The following FLT4 variants were observed in gnomAD, a reference collection of about 807,000 sequenced individuals.
FLT4 encodes vascular endothelial growth factor receptor 3.
In FLT4, 30 loss-of-function variants were observed where a neutral mutation model predicts 163.2. That is an observed-to-expected ratio of 0.18 (90% confidence interval 0.14 to 0.25). The LOEUF is 0.25. Ranked by LOEUF, FLT4 falls within the 10% of genes least tolerant of loss-of-function variation. FLT4 has a pLI of 1.00. For synonymous variants in FLT4, 884 were observed against 789.5 expected (o/e 1.12, Z -2.01); for missense variants, 1,510 against 1,863.8 (o/e 0.81, Z 3.50).
rs1052857627 is a variant in FLT4, at chr5:180,602,343, G to A, written c.*849C>T. On this transcript the variant is annotated 3_prime_UTR_variant, in exon 30 of 30. Coordinates refer to ENST00000261937, the MANE Select transcript of FLT4 (RefSeq NM_182925.5). ...GCTCCTCGGAGTCTGGGCCAGGTGGGAGAGCAAGGGCCTTCTCCAGAGGCA... is the reference window on the plus strand; with the variant it reads ...GCTCCTCGGAGTCTGGGCCAGGTGGAAGAGCAAGGGCCTTCTCCAGAGGCA... 1 of 309,434 alleles carries A rather than the reference G, an allele frequency of 3.2e-6. No homozygotes were observed. Among genetic ancestry groups the A allele is most frequent in the Non-Finnish European group, 5.9e-6 (1 of 169,300 alleles). The allele number at this position is 309,434 out of a possible 1,614,324, so 19.2% of individuals were successfully genotyped here.
intron 29 of FLT4, among the ~76,000 whole-genome samples, chr5:180,605,927 C>T (rs1761756829): frequency 6.6e-6 from 1 of 152,198 alleles, no homozygotes; most frequent in Non-Finnish European, 1.5e-5. Context: ...GGTGAACCCC[C>T]ATGGGGCGAG....
At chr5:180,645,076 A>C (rs1765419952) in intron 1 of FLT4, among the ~76,000 whole-genome samples, 1 of 152,242 alleles carries the variant, frequency 6.6e-6, no homozygotes, top group African/African-American at 2.4e-5. Context: ...CTGGGACTCC[A>C]GCAGGAAGGG....
At position 180,615,418 on chromosome 5, in the gene FLT4, C is replaced by CTCCACTTCCGAAA. The variant is rs1324424585; in HGVS notation, c.3219+948_3219+949insTTTCGGAAGTGGA. Among the ~76,000 whole-genome samples, 33 of 129,706 alleles carry CTCCACTTCCGAAA rather than the reference C, an allele frequency of 2.5e-4. 1 individual carries two copies. The highest frequency in any genetic ancestry group is 4.4e-4 in the Non-Finnish European group (26 of 59,188). 85.1% of individuals were successfully genotyped at this position (129,706 alleles called of 152,430 possible). On this transcript the variant is annotated intron_variant, in intron 23 of 29. Coordinates refer to ENST00000261937, the MANE Select transcript of FLT4 (RefSeq NM_182925.5). ...CTGGGTCCCGCTGGTCACCTCCCTT[C>CTCCACTTCCGAAA]TCCACTTCCTTTCGGAGCACTGGGC...
chr5:180,631,939 C>G (rs909325688), intron 1 of FLT4, among the ~76,000 whole-genome samples, 161 bp from the exon 2 acceptor site: 2 of 152,088 alleles, frequency 1.3e-5, no homozygotes, highest in Non-Finnish European at 2.9e-5. Flanking sequence ...CCATGTGCGC[C>G]GTGAGCAGCA....
chr5:180,621,031 C>G (rs753216455), intron 14 of FLT4, 24 bp from the exon 15 acceptor site: 1 of 1,611,056 alleles, frequency 6.2e-7, no homozygotes, highest in East Asian at 2.2e-5. Context: ...GGTGGAGGTG[C>G]GGGTCCACCT....
At chr5:180,614,230 A>C in intron 23 of FLT4, 51 bp from the exon 24 acceptor site, 1 of 1,294,150 alleles carries the variant, frequency 7.7e-7, no homozygotes, top group Non-Finnish European at 1.1e-6. Context: ...AGACGGAGGG[A>C]AGCGTGTCCC....
At chr5:180,634,398 G>A (rs1764394815) in intron 1 of FLT4, among the ~76,000 whole-genome samples, 1 of 152,142 alleles carries the variant, frequency 6.6e-6, no homozygotes, top group Non-Finnish European at 1.5e-5. Flanking sequence ...GATTCAACGG[G>A]TGGATATAAG....
rs201698561 is a variant in FLT4 at position 180,611,364 on chromosome 5, G to C, written c.3653C>G (p.Pro1218Arg). ...CAGGCTGTGGCGCTGCAGGCTTGGCGGGCTGTCCTCAGCGTCAGCCTGGGC... is the reference window on the plus strand; with the variant it reads ...CAGGCTGTGGCGCTGCAGGCTTGGCCGGCTGTCCTCAGCGTCAGCCTGGGC... ...HIAQADAEDSPPSLQRHSLAA... is the reference protein window; with the variant it reads ...HIAQADAEDSRPSLQRHSLAA... Residue 1218 changes from proline to arginine, a missense_variant, in exon 27 of 30, where the codon CCG becomes CGG. Pro to Arg is a moderately radical substitution (Grantham distance 103, BLOSUM62 -2). Around this residue, in one of 5 missense-constraint regions of FLT4, gnomAD observed 295 missense variants for 311.0 expected, o/e 0.95. Transcript: ENST00000261937. The C allele has an allele frequency of 4.3e-6, 7 of 1,613,744 alleles. No homozygotes were observed. Among genetic ancestry groups the C allele is most frequent in the Admixed American group, 1.7e-5 (1 of 60,006 alleles).
At position 180,630,574 on chromosome 5, in the gene FLT4, G is replaced by C. The variant is rs1335798652; in HGVS notation, c.381C>G (p.Ser127Arg). 3.1e-6 allele frequency: 5 copies of C among 1,612,882 alleles called. No individual in the cohort carries two copies. Among genetic ancestry groups the C allele is most frequent in the Non-Finnish European group, 4.2e-6 (5 of 1,179,978 alleles). The change falls in exon 3 of 30, where the codon AGC becomes AGG. Residue 127 changes from serine to arginine, a missense_variant. Physicochemically the swap from Ser to Arg is moderately radical, Grantham distance 110. Around this residue, in one of 5 missense-constraint regions of FLT4, gnomAD observed 157 missense variants for 178.7 expected, o/e 0.88. Transcript: ENST00000261937. The surrounding 1 kb of genome is among the most constrained non-coding windows in gnomAD (Gnocchi z 6.3). ...TCTCACCTCTCACGAACACGTAGGA[G>C]CTGGCGGCCGTGGTGCCCTCGATGC... ...KARIEGTTAASSYVFVRDFEQ... is the reference protein window; with the variant it reads ...KARIEGTTAARSYVFVRDFEQ...
rs1204710417 is a variant in FLT4, at chr5:180,620,798, C to A, written c.2299+78G>T. On this transcript the variant is annotated intron_variant, in intron 15 of 29. Transcript: ENST00000261937. The surrounding 1 kb of genome is among the most constrained non-coding windows in gnomAD (Gnocchi z 4.4). ...CAGGCAGCACCCCTTCTGGTGGCCA[C>A]GACTTGCCCAAGGTGGCCACAAGAA... is the stretch of plus-strand genomic sequence containing the variant. The A allele has an allele frequency of 2.5e-6, 4 of 1,604,696 alleles. No homozygotes were observed. In the Admixed American group the frequency reaches 6.8e-5, roughly 27 times the overall value.
rs531886911 is a variant in FLT4 at position 180,642,764 on chromosome 5, A to G, written c.58+6724T>C. On this transcript the variant is annotated intron_variant, in intron 1 of 29. Transcript: ENST00000261937. Reference sequence around the variant, plus strand: ...AGTACCACAAAGAATGAGAATTCCCAGCGCTGGAGAGAATGTGGAGAAGGA... The same window carrying G: ...AGTACCACAAAGAATGAGAATTCCCGGCGCTGGAGAGAATGTGGAGAAGGA... 1.7e-4 allele frequency among the ~76,000 whole-genome samples: 26 copies of G among 152,342 alleles called. No individual in the cohort carries two copies. The South Asian group carries it at 5.4e-3, about 32-fold the overall frequency.
intron 29 of FLT4, chr5:180,608,134 A>G: frequency 1.4e-5 from 10 of 700,408 alleles, no homozygotes; most frequent in Non-Finnish European, 2.3e-5. Context: ...GTCCACTTTC[A>G]TGCTCCTCTT....
In FLT4 at chr5:180,602,708, G is replaced by C. The variant is rs1183020979; in HGVS notation, c.*484C>G. 1 of 448,850 alleles carries C rather than the reference G, an allele frequency of 2.2e-6. No individual in the cohort carries two copies. 27.8% of individuals were successfully genotyped at this position (448,850 alleles called of 1,614,324 possible). ...CCTTCAACTGTGCAGGGGTGGGTGA[G>C]GCCAGCCAGCCCTCGTGGGGAGAGT... On this transcript the variant is annotated 3_prime_UTR_variant, in exon 30 of 30. Coordinates refer to ENST00000261937, the MANE Select transcript of FLT4 (RefSeq NM_182925.5).
chr5:180,613,146 C>A (rs780135208), intron 24 of FLT4, 36 bp from the exon 25 acceptor site: 16 of 1,500,620 alleles, frequency 1.1e-5, no homozygotes, highest in Non-Finnish European at 1.5e-5. Flanking sequence ...GGGGAGCAAG[C>A]CTCCTGCGGC....
Position 180,625,950 on chromosome 5 carries a change from G to A in FLT4, c.1340C>T (p.Ala447Val), listed in dbSNP as rs776396153. 3.1e-6 allele frequency: 5 copies of A among 1,612,820 alleles called. No individual in the cohort carries two copies. Among genetic ancestry groups the A allele is most frequent in the Non-Finnish European group, 4.2e-6 (5 of 1,179,972 alleles). ...GCTGAGAGGCAGGGGCACCCCGTAG[G>A]CCGTGCAGGTGAGGGCCTGGCGGCT... is the stretch of plus-strand genomic sequence containing the variant. ...RHSRQALTCT[A>V]YGVPLPLSIQ... Residue 447 changes from alanine (A) to valine (V), a missense_variant, in exon 10 of 30, where the codon GCC becomes GTC. This residue lies in a region of FLT4 where 878 missense variants were observed against 1,016.7 expected (regional missense o/e 0.86). Transcript: ENST00000261937.
rs760268018 is a variant in FLT4 at position 180,629,309 on chromosome 5, G to C, written c.935C>G (p.Ala312Gly). 1.9e-6 allele frequency: 3 copies of C among 1,613,328 alleles called. No homozygotes were observed. The East Asian group carries it at 6.7e-5, about 36-fold the overall frequency. ...CCGAAATCGCTGGATGCCGTTGTTG[G>C]CCTTGCACACATACGAGCCCAGGTC... ...QHDLGSYVCK[A>G]NNGIQRFRES... The change falls in exon 7 of 30, where the codon GCC becomes GGC. Residue 312 changes from alanine (A) to glycine (G), a missense_variant. Ala to Gly is a moderately conservative substitution (Grantham distance 60, BLOSUM62 0). Around this residue, in one of 5 missense-constraint regions of FLT4, gnomAD observed 163 missense variants for 281.1 expected, o/e 0.58. Coordinates refer to ENST00000261937, the MANE Select transcript of FLT4 (RefSeq NM_182925.5).
At chr5:180,612,146 T>C (rs1239258093) in intron 26 of FLT4, among the ~76,000 whole-genome samples, 1 of 152,010 alleles carries the variant, frequency 6.6e-6, no homozygotes, top group Non-Finnish European at 1.5e-5. Context: ...GTCCGTGTGT[T>C]CAGTGGAGTG....
At chr5:180,627,778 A>G (rs1763750472) in intron 8 of FLT4, among the ~76,000 whole-genome samples, 1 of 152,248 alleles carries the variant, frequency 6.6e-6, no homozygotes, top group African/African-American at 2.4e-5. Flanking sequence ...GTGGCCTTGG[A>G]GGGCAGGGGA....
At position 180,613,058 on chromosome 5, in the gene FLT4, C is replaced by T; in HGVS notation, c.3384G>A (p.Leu1128=). 6.2e-7 allele frequency: 1 copy of T among 1,613,706 alleles called. No homozygotes were observed. Among genetic ancestry groups the T allele is most frequent in the Non-Finnish European group, 8.5e-7 (1 of 1,179,776 alleles). Residue 1128 remains leucine (L), a synonymous_variant, in exon 25 of 30, where the codon CTG becomes CTA. Coordinates refer to ENST00000261937, the MANE Select transcript of FLT4 (RefSeq NM_182925.5). ...GGGCCCTCATCCTTGTGCCGTCTCT[C>T]AGCCGCTGGCAGAACTCCTCATTGA... ...VQINEEFCQR[L]RDGTRMRAPE...
Sources: gnomAD v4.1 joint callset for allele counts (sites outside exome capture counted in the v4.1 genomes callset) on GRCh38, gnomAD v4.1.1 for gene constraint, gnomAD v4.1.1 regional missense constraint, Gnocchi (gnomAD v3.1) non-coding constraint, MANE v1.5 for transcripts, NCBI Gene and HGNC (gene_info 2026-07-23, HGNC 2026-07-21) for gene names.